Variants in KANSL2 observed in about 807,000 individuals in gnomAD.
The protein encoded by KANSL2 is NSL complex protein NSL2.
Under a neutral mutation model 55.6 loss-of-function variants are expected in KANSL2, and 34 were observed. That is an observed-to-expected ratio of 0.61 (90% CI 0.46 to 0.81). The LOEUF is 0.81. Ranked by LOEUF, KANSL2 falls within the 40% of genes least tolerant of loss-of-function variation. The pLI is 0.00. For missense variants in KANSL2, 502 were observed against 609.9 expected (o/e 0.82, Z 1.86); for synonymous variants, 209 against 214.3 (o/e 0.98, Z 0.22).
intron 7 of KANSL2, among the ~76,000 whole-genome samples, chr12:48,664,412 TG>T (rs965887744): frequency 2.6e-4 from 39 of 150,860 alleles, no homozygotes; most frequent in Admixed American, 7.9e-4. Context: ...CTTCAGTAGC[TG>T]GGACTACAGG....
intron 5 of KANSL2, among the ~76,000 whole-genome samples, chr12:48,669,525 T>C (rs1236160416): frequency 6.6e-6 from 1 of 152,032 alleles, no homozygotes; most frequent in East Asian, 1.9e-4. Flanking sequence ...AAAAAAATTT[T>C]TTTTTTTTTT....
intron 2 of KANSL2, 167 bp downstream of exon 2, chr12:48,681,215 C>G (rs1342876489): frequency 1.6e-6 from 1 of 643,932 alleles, no homozygotes; most frequent in Non-Finnish European, 2.5e-6. Flanking sequence ...TAATCCAACT[C>G]AAGGGTCTTT....
At chr12:48,676,918 T>C (rs563661689) in intron 4 of KANSL2, among the ~76,000 whole-genome samples, 12 of 152,290 alleles carry the variant, frequency 7.9e-5, no homozygotes, top group South Asian at 4.1e-4. Context: ...ATTCAAAAAG[T>C]GATCCTATTG....
intron 2 of KANSL2, 79 bp from the exon 3 acceptor site, chr12:48,679,912 A>T: frequency 8.2e-7 from 1 of 1,215,602 alleles, no homozygotes; most frequent in South Asian, 1.6e-5. Context: ...TAATCTTTAA[A>T]TCATTTTTAG....
At chr12:48,659,628 A>G (rs1213272349) in intron 8 of KANSL2, among the ~76,000 whole-genome samples, 2 of 152,194 alleles carry the variant, frequency 1.3e-5, no homozygotes, top group South Asian at 2.1e-4. Context: ...AATTTAAAAA[A>G]AAAAAAGTTA....
intron 2 of KANSL2, among the ~76,000 whole-genome samples, chr12:48,680,421 G>A (rs553159183): frequency 1.3e-5 from 2 of 152,122 alleles, no homozygotes; most frequent in East Asian, 3.9e-4. Context: ...CCAACTCCTG[G>A]CCTCAAGTGA....
In KANSL2 at chr12:48,663,422, T is replaced by C. The variant is rs376879804; in HGVS notation, c.974-2803A>G. The stretch of plus-strand genomic sequence containing the variant: ...ATTTTAAAACAAATATATGTACAAA[T>C]ATCAATTTTATAGATTTTTAATTTT... On this transcript the variant is annotated intron_variant, in intron 7 of 9. Coordinates refer to ENST00000420613, the MANE Select transcript of KANSL2 (RefSeq NM_017822.4). Among the ~76,000 whole-genome samples, 24 of 152,284 alleles carry C rather than the reference T, an allele frequency of 1.6e-4. No homozygotes were observed. The East Asian group carries it at 4.2e-3, about 27-fold the overall frequency.
At chr12:48,682,148 A>G (rs929635120) in intron 1 of KANSL2, 39 bp downstream of exon 1, 2 of 702,396 alleles carry the variant, frequency 2.8e-6, no homozygotes, top group Non-Finnish European at 5.2e-6. Context: ...ATAGCAGCCC[A>G]ACCGCAAGAG....
At chr12:48,678,777 T>C (rs1041755338) in intron 4 of KANSL2, among the ~76,000 whole-genome samples, 2 of 152,190 alleles carry the variant, frequency 1.3e-5, no homozygotes, top group Non-Finnish European at 2.9e-5. Context: ...TGTCTAAATT[T>C]CCTGTTTTCT....
chr12:48,667,446 T>C lies in KANSL2; in HGVS notation c.973+247A>G, dbSNP rs376765262. ...ATAAATAAATATTAGCCCACATCTA[T>C]GAAAAACGACTCATGTTTCTTTCTA... On this transcript the variant is annotated intron_variant, in intron 7 of 9. Transcript: ENST00000420613. 5.0e-6 allele frequency: 3 copies of C among 596,472 alleles called. No individual in the cohort carries two copies. In the African/African-American group the frequency reaches 5.5e-5, roughly 11 times the overall value. 36.9% of individuals were successfully genotyped at this position (596,472 alleles called of 1,614,324 possible).
At chr12:48,655,139 A>G in intron 8 of KANSL2, 79 bp from the exon 9 acceptor site, 1 of 1,396,224 alleles carries the variant, frequency 7.2e-7, no homozygotes, top group South Asian at 1.3e-5. Context: ...CAAACTTTAA[A>G]GCAATACTCT....
Position 48,667,674 on chromosome 12 carries a change from A to G in KANSL2, c.973+19T>C, listed in dbSNP as rs1186502654. 4 of 1,566,760 alleles carry G rather than the reference A, an allele frequency of 2.6e-6. No homozygotes were observed. The highest frequency in any genetic ancestry group is 3.5e-6 in the Non-Finnish European group (4 of 1,136,940). ...CAAACTAGCAAACCACAGCCTTAAC[A>G]GGCAGAGTAAAAAGATACGGGTAAG... is the stretch of plus-strand genomic sequence containing the variant. On this transcript the variant is annotated intron_variant, in intron 7 of 9. Coordinates refer to ENST00000420613, the MANE Select transcript of KANSL2 (RefSeq NM_017822.4).
chr12:48,681,658 A>C lies in KANSL2; in HGVS notation c.-9-17T>G, dbSNP rs756768103. The C allele has an allele frequency of 1.9e-6, 3 of 1,613,752 alleles. No individual in the cohort carries two copies. In the African/African-American group the frequency reaches 4.0e-5, roughly 22 times the overall value. On this transcript the variant is annotated splice_polypyrimidine_tract_variant and intron_variant, in intron 1 of 9. Transcript: ENST00000420613. ...AACCAAAACCTGCGGGGTCAAACGA[A>C]AGACCAAAAAGCCCTTACCCTTCCC... is the stretch of plus-strand genomic sequence containing the variant.
At chr12:48,656,903 T>C (rs1260979772) in intron 8 of KANSL2, 4 of 338,496 alleles carry the variant, frequency 1.2e-5, no homozygotes, top group African/African-American at 2.2e-5. Flanking sequence ...TGTACCCCCC[T>C]ATGTTTAATC....
At chr12:48,677,333 T>C (rs994909002) in intron 4 of KANSL2, among the ~76,000 whole-genome samples, 11 of 152,180 alleles carry the variant, frequency 7.2e-5, no homozygotes, top group African/African-American at 2.7e-4. Flanking sequence ...TCCATGTGCC[T>C]CCTAGAGACT....
chr12:48,680,696 G>C (rs1456747872), intron 2 of KANSL2, among the ~76,000 whole-genome samples: 1 of 152,108 alleles, frequency 6.6e-6, no homozygotes, highest in African/African-American at 2.4e-5. Flanking sequence ...AATTTTAGGG[G>C]CCAGGTGCGG....
At chr12:48,668,340 C>T (rs990070771) in intron 6 of KANSL2, among the ~76,000 whole-genome samples, 1 of 152,212 alleles carries the variant, frequency 6.6e-6, no homozygotes, top group Non-Finnish European at 1.5e-5. Context: ...GATGAGAATA[C>T]TGAGGCCCAG....
At chr12:48,678,005 C>T (rs754746761) in intron 4 of KANSL2, among the ~76,000 whole-genome samples, 67 of 152,160 alleles carry the variant, frequency 4.4e-4, no homozygotes, top group Middle Eastern at 3.4e-3. Flanking sequence ...CCATACTATC[C>T]GGAACATGCC....
chr12:48,660,563 C>A lies in KANSL2; in HGVS notation c.1030G>T (p.Val344Leu), dbSNP rs1174879500. Residue 344 changes from valine to leucine, a missense_variant, in exon 8 of 10, where the codon GTA becomes TTA. By Grantham distance (32) the Val-to-Leu change is conservative. Transcript: ENST00000420613. Reference sequence around the variant, plus strand: ...ACAGGAACAGGTTTGTTGCAGGGTACCTCTTCAGATCCCTGGCAGCACTTG... The same window carrying A: ...ACAGGAACAGGTTTGTTGCAGGGTAACTCTTCAGATCCCTGGCAGCACTTG... Reference protein sequence around the residue: ...LFKCCQGSEEVPCNKPVPVSL... With the variant: ...LFKCCQGSEELPCNKPVPVSL... 6.2e-7 allele frequency: 1 copy of A among 1,613,022 alleles called. No homozygotes were observed. Among genetic ancestry groups the A allele is most frequent in the Non-Finnish European group, 8.5e-7 (1 of 1,179,550 alleles).
Sources: gnomAD v4.1 joint callset for allele counts (sites outside exome capture counted in the v4.1 genomes callset) on GRCh38, gnomAD v4.1.1 for gene constraint, MANE v1.5 for transcripts, NCBI Gene and HGNC (gene_info 2026-07-23, HGNC 2026-07-21) for gene names.